BLNK: variants seen among roughly 807,000 people sequenced by gnomAD.
The protein encoded by BLNK is B cell linker.
Under a neutral mutation model 73.5 loss-of-function variants are expected in BLNK, and 29 were observed. That is an observed-to-expected ratio of 0.39 (90% CI 0.29 to 0.54). BLNK has a LOEUF of 0.54. Ranked by LOEUF, BLNK falls within the 20% of genes least tolerant of loss-of-function variation. The pLI, the probability that BLNK is intolerant of heterozygous loss-of-function variation, is 0.61. For synonymous variants in BLNK, 176 were observed against 200.8 expected (o/e 0.88, Z 1.04); for missense variants, 460 against 562.8 (o/e 0.82, Z 1.85).
At chr10:96,193,768 T>C (rs2083388365) in intron 16 of BLNK, among the ~76,000 whole-genome samples, 1 of 152,162 alleles carries the variant, frequency 6.6e-6, no homozygotes, top group African/African-American at 2.4e-5. Flanking sequence ...AGTGCCAAAA[T>C]AGCTGCATAA....
intron 9 of BLNK, among the ~76,000 whole-genome samples, chr10:96,208,612 G>T (rs2083877435): frequency 6.6e-6 from 1 of 152,106 alleles, no homozygotes; most frequent in South Asian, 2.1e-4. Context: ...ATAGAGACTG[G>T]AGTCTAATAT....
intron 13 of BLNK, among the ~76,000 whole-genome samples, chr10:96,201,929 C>T (rs2083653170): frequency 2.0e-5 from 3 of 151,998 alleles, no homozygotes; most frequent in African/African-American, 7.3e-5. Context: ...GTCATAAATG[C>T]TATGAAGAAA....
chr10:96,215,971 TTGC>T (rs1357428366), intron 7 of BLNK: 1 of 160,728 alleles, frequency 6.2e-6, no homozygotes, highest in East Asian at 1.8e-4. Context: ...CGGGAGAGGG[TTGC>T]TACATGATGG....
intron 1 of BLNK, among the ~76,000 whole-genome samples, chr10:96,253,690 T>A (rs117315625): frequency 0.028 from 4,251 of 152,258 alleles, 87 homozygotes; most frequent in Non-Finnish European, 0.042. Context: ...TGGTGACTCT[T>A]ATGCACACAG....
intron 1 of BLNK, among the ~76,000 whole-genome samples, chr10:96,250,465 G>T (rs1261476899): frequency 3.6e-5 from 5 of 139,774 alleles, no homozygotes; most frequent in Admixed American, 2.2e-4. Context: ...AGAGAGAGAG[G>T]TTGAAGTGGA....
chr10:96,193,796 G>A (rs998158044), intron 16 of BLNK, among the ~76,000 whole-genome samples: 1 of 152,168 alleles, frequency 6.6e-6, no homozygotes, highest in Non-Finnish European at 1.5e-5. Context: ...AATAGTTAAT[G>A]AATTGGTTAC....
At chr10:96,231,271 G>C (rs371359816) in intron 3 of BLNK, among the ~76,000 whole-genome samples, 64 of 152,192 alleles carry the variant, frequency 4.2e-4, no homozygotes, top group African/African-American at 1.5e-3. Flanking sequence ...TCTGAGCCTC[G>C]GTTTCCAGAT....
intron 7 of BLNK, 112 bp downstream of exon 7, chr10:96,216,541 A>C: frequency 1.1e-6 from 1 of 918,980 alleles, no homozygotes; most frequent in Non-Finnish European, 1.8e-6. Context: ...CCCAGGGGAG[A>C]AAGTCCTGGG....
At chr10:96,234,807 A>G (rs1842638139) in intron 3 of BLNK, among the ~76,000 whole-genome samples, 1 of 152,178 alleles carries the variant, frequency 6.6e-6, no homozygotes, top group African/African-American at 2.4e-5. Context: ...GGATCCAAGA[A>G]AGCCTCTATT....
At chr10:96,233,121 C>T (rs1407802847) in intron 3 of BLNK, among the ~76,000 whole-genome samples, 1 of 151,994 alleles carries the variant, frequency 6.6e-6, no homozygotes, top group Non-Finnish European at 1.5e-5. Context: ...GTTTCTAATA[C>T]CTTAAGTCTG....
At chr10:96,196,309 T>A (rs2133928690) in intron 16 of BLNK, among the ~76,000 whole-genome samples, 1 of 152,292 alleles carries the variant, frequency 6.6e-6, no homozygotes, top group South Asian at 2.1e-4. Context: ...TATTTCAGGG[T>A]TCATTTATAG....
In BLNK at chr10:96,190,050, C is replaced by A; in HGVS notation, c.*1923G>T. On this transcript the variant is annotated 3_prime_UTR_variant, in exon 17 of 17. Transcript: ENST00000224337. ...TCATTGCCTCTGCTTCAACAATGTGCAGTTCATCCTTTGCACCAGCCCCTA... is the reference window on the plus strand; with the variant it reads ...TCATTGCCTCTGCTTCAACAATGTGAAGTTCATCCTTTGCACCAGCCCCTA... The A allele has an allele frequency of 1.2e-6, 1 of 810,492 alleles. No homozygotes were observed. The highest frequency in any genetic ancestry group is 2.2e-6 in the Non-Finnish European group (1 of 461,920). 50.2% of individuals were successfully genotyped at this position (810,492 alleles called of 1,614,324 possible).
intron 2 of BLNK, among the ~76,000 whole-genome samples, chr10:96,244,292 G>A (rs182229102): frequency 2.6e-5 from 4 of 152,186 alleles, no homozygotes; most frequent in East Asian, 1.9e-4. Flanking sequence ...TTGGTTCAAG[G>A]AATAGTAAAA....
At chr10:96,203,795 A>G (rs199750156) in intron 13 of BLNK, 1 of 291,098 alleles carries the variant, frequency 3.4e-6, no homozygotes. Flanking sequence ...AAAAAAAAAA[A>G]GTTAAAAAAG....
chr10:96,194,090 G>C (rs1291591246), intron 16 of BLNK, among the ~76,000 whole-genome samples: 1 of 152,170 alleles, frequency 6.6e-6, no homozygotes, highest in Non-Finnish European at 1.5e-5. Context: ...AGATTCATCA[G>C]GCCAAGAGGA....
chr10:96,215,496 A>G (rs2084044586), intron 7 of BLNK, 107 bp from the exon 8 acceptor site: 10 of 1,057,634 alleles, frequency 9.5e-6, no homozygotes, highest in Non-Finnish European at 1.4e-5. Flanking sequence ...TGATGACCAG[A>G]CCAGAGAATT....
At chr10:96,201,482 T>C (rs1453272664) in intron 13 of BLNK, among the ~76,000 whole-genome samples, 1 of 152,232 alleles carries the variant, frequency 6.6e-6, no homozygotes, top group African/African-American at 2.4e-5. Flanking sequence ...ATATTATTTA[T>C]GTTAACATGT....
At chr10:96,230,671 C>T (rs1218708752) in intron 4 of BLNK, 123 bp downstream of exon 4, 2 of 1,179,038 alleles carry the variant, frequency 1.7e-6, no homozygotes, top group Non-Finnish European at 1.2e-6. Context: ...CTGTAGGTGA[C>T]CTTTCCAAGT....
At chr10:96,192,178 G>A in intron 16 of BLNK, 86 bp from the exon 17 acceptor site, 7 of 1,549,496 alleles carry the variant, frequency 4.5e-6, no homozygotes, top group Non-Finnish European at 6.2e-6. Context: ...TCATTCTCAA[G>A]TTAGTAAAAG....
Sources: allele counts gnomAD v4.1 joint callset (sites outside exome capture counted in the v4.1 genomes callset), GRCh38; gene constraint gnomAD v4.1.1; transcripts MANE v1.5; gene names NCBI Gene and HGNC (gene_info 2026-07-23, HGNC 2026-07-21).